The following MECOM variants were observed in gnomAD, a reference collection of about 807,000 sequenced individuals.
MECOM encodes the protein histone-lysine N-methyltransferase MECOM.
Under a neutral mutation model 116.3 loss-of-function variants are expected in MECOM, and 13 were observed. The ratio of observed to expected loss-of-function variants is 0.11; its 90% confidence interval spans 0.07 to 0.18. The LOEUF (loss-of-function observed/expected upper bound fraction) is 0.18, where lower values mean the gene tolerates loss of function less well. MECOM is among the 10% of genes least tolerant of loss of function. The pLI, the probability that MECOM is intolerant of heterozygous loss-of-function variation, is 1.00. For synonymous variants in MECOM, 528 were observed against 535.2 expected (o/e 0.99, Z 0.19); for missense variants, 1,299 against 1,509.0 (o/e 0.86, Z 2.31).
chr3:169,323,082 T>A (rs1039849678), intron 2 of MECOM, among the ~76,000 whole-genome samples: 2 of 147,538 alleles, frequency 1.4e-5, no homozygotes, highest in African/African-American at 5.1e-5. Flanking sequence ...AAAGAAATGG[T>A]TTTCCAGGGA....
At chr3:169,516,877 T>C (rs1398173292) in intron 1 of MECOM, among the ~76,000 whole-genome samples, 2 of 152,152 alleles carry the variant, frequency 1.3e-5, no homozygotes, top group Non-Finnish European at 2.9e-5. Context: ...ATTGAAATCA[T>C]AACCTAAATT....
intron 1 of MECOM, among the ~76,000 whole-genome samples, chr3:169,505,321 T>G (rs898893100): frequency 3.3e-5 from 5 of 151,842 alleles, no homozygotes; most frequent in Non-Finnish European, 5.9e-5. Flanking sequence ...TTTTTTTTTT[T>G]GCCAACATGT....
intron 2 of MECOM, among the ~76,000 whole-genome samples, chr3:169,309,154 A>G (rs1478126940): frequency 6.6e-6 from 1 of 152,220 alleles, no homozygotes. Flanking sequence ...TAAACATGCA[A>G]GATCTAAAAG....
intron 2 of MECOM, among the ~76,000 whole-genome samples, chr3:169,211,366 A>T (rs1269381311): frequency 1.3e-5 from 2 of 152,140 alleles, no homozygotes; most frequent in African/African-American, 4.8e-5. Flanking sequence ...ACCCTGCTAC[A>T]TATTCACCAT....
intron 1 of MECOM, among the ~76,000 whole-genome samples, chr3:169,559,131 T>C (rs974928258): frequency 4.0e-5 from 6 of 151,720 alleles, no homozygotes; most frequent in African/African-American, 1.5e-4. Flanking sequence ...GGGGCGAAGT[T>C]TGGATGCCAA....
At chr3:169,577,837 A>G (rs1346107724) in intron 1 of MECOM, among the ~76,000 whole-genome samples, 2 of 152,164 alleles carry the variant, frequency 1.3e-5, no homozygotes, top group Non-Finnish European at 2.9e-5. Context: ...GAGATGGGAG[A>G]GGTAAACTTC....
At chr3:169,413,136 C>T (rs1737836634) in intron 1 of MECOM, among the ~76,000 whole-genome samples, 1 of 152,248 alleles carries the variant, frequency 6.6e-6, no homozygotes, top group Admixed American at 6.5e-5. Context: ...GTGATTTCTG[C>T]ATTTCCAACT....
intron 2 of MECOM, among the ~76,000 whole-genome samples, chr3:169,151,959 A>G (rs16847759): frequency 0.058 from 8,891 of 152,274 alleles, 467 homozygotes; most frequent in East Asian, 0.3. Flanking sequence ...ACCTTTAGGC[A>G]AGATAAACTA....
At chr3:169,182,670 A>T (rs1746124952) in intron 2 of MECOM, among the ~76,000 whole-genome samples, 1 of 152,174 alleles carries the variant, frequency 6.6e-6, no homozygotes, top group African/African-American at 2.4e-5. Flanking sequence ...TTAGGACATG[A>T]ATCAAACAAG....
intron 3 of MECOM, among the ~76,000 whole-genome samples, chr3:169,132,920 T>C (rs571724853): frequency 6.6e-6 from 1 of 151,932 alleles, no homozygotes; most frequent in South Asian, 2.1e-4. Context: ...ACCCAGCTAA[T>C]TTTTGTATTT....
chr3:169,233,034 T>G (rs1753601832), intron 2 of MECOM, among the ~76,000 whole-genome samples: 1 of 151,974 alleles, frequency 6.6e-6, no homozygotes, highest in African/African-American at 2.4e-5. Flanking sequence ...GTAATTATGC[T>G]CTATAATTGT....
intron 1 of MECOM, among the ~76,000 whole-genome samples, chr3:169,662,693 A>G (rs1005490632): frequency 4.7e-5 from 7 of 150,442 alleles, no homozygotes; most frequent in Admixed American, 2.7e-4. Context: ...CCACTACCGC[A>G]GCCGCGGCTC....
chr3:169,370,908 T>C (rs1560186566), intron 2 of MECOM, among the ~76,000 whole-genome samples: 1 of 151,954 alleles, frequency 6.6e-6, no homozygotes. Flanking sequence ...TTATATACTG[T>C]TGGTAGGAAT....
chr3:169,592,796 C>T (rs571685760), intron 1 of MECOM, among the ~76,000 whole-genome samples: 2 of 152,020 alleles, frequency 1.3e-5, no homozygotes, highest in African/African-American at 4.8e-5. Context: ...GCATTTTCCA[C>T]AATTACATGT....
chr3:169,143,021 A>T (rs945863019), intron 3 of MECOM, among the ~76,000 whole-genome samples: 3 of 152,020 alleles, frequency 2.0e-5, no homozygotes, highest in Non-Finnish European at 4.4e-5. Context: ...TACAAGATTC[A>T]TAACCTAATT....
intron 16 of MECOM, chr3:169,086,598 G>A: frequency 2.9e-6 from 2 of 700,072 alleles, no homozygotes; most frequent in Non-Finnish European, 5.2e-6. Flanking sequence ...AACAGTATTG[G>A]CCTCCAAGAG....
At chr3:169,263,102 TATATATATATATATATATATATATA>T (rs1757768879) in intron 2 of MECOM, among the ~76,000 whole-genome samples, 20 of 76,916 alleles carry the variant, frequency 2.6e-4, no homozygotes, top group African/African-American at 1.3e-3. Flanking sequence ...TATATATATA[TATATATATATATATATATATATATA>T]TGTTTTTTTT....
chr3:169,142,586 G>A (rs571803852), intron 3 of MECOM, among the ~76,000 whole-genome samples: 16 of 151,804 alleles, frequency 1.1e-4, no homozygotes, highest in Non-Finnish European at 1.9e-4. Flanking sequence ...AAAAACAATT[G>A]ATTGGTTTAT....
intron 2 of MECOM, among the ~76,000 whole-genome samples, chr3:169,191,964 G>A (rs1396845271): frequency 2.6e-5 from 4 of 151,990 alleles, no homozygotes; most frequent in Non-Finnish European, 5.9e-5. Context: ...AGAGAATAGA[G>A]TGGGTGGAGT....
Sources: gnomAD v4.1 joint callset for allele counts (sites outside exome capture counted in the v4.1 genomes callset) on GRCh38, gnomAD v4.1.1 for gene constraint, MANE v1.5 for transcripts, NCBI Gene and HGNC (gene_info 2026-07-23, HGNC 2026-07-21) for gene names.